ETS1: variants seen among roughly 807,000 people sequenced by gnomAD.
ETS1 encodes the protein protein C-ets-1.
Under a neutral mutation model 58.6 loss-of-function variants are expected in ETS1, and 15 were observed. The ratio of observed to expected loss-of-function variants is 0.26; its 90% CI spans 0.17 to 0.39. The LOEUF (loss-of-function observed/expected upper bound fraction) is 0.39, where lower values mean the gene tolerates loss of function less well. Ranked by LOEUF, ETS1 falls within the 10% of genes least tolerant of loss-of-function variation. ETS1 has a pLI of 1.00. For synonymous variants in ETS1, 214 were observed against 218.2 expected (o/e 0.98, Z 0.17); for missense variants, 417 against 610.5 (o/e 0.68, Z 3.34).
At chr11:128,585,229 A>G (rs183139424) in intron 1 of ETS1, among the ~76,000 whole-genome samples, 2 of 144,574 alleles carry the variant, frequency 1.4e-5, no homozygotes, top group East Asian at 2.1e-4. Flanking sequence ...AAAGAAAGAA[A>G]GAAAGAAAGA....
intron 1 of ETS1, among the ~76,000 whole-genome samples, chr11:128,581,563 A>C (rs1331984357): frequency 6.6e-6 from 1 of 152,188 alleles, no homozygotes; most frequent in African/African-American, 2.4e-5. Flanking sequence ...ACCTCAAAAC[A>C]AAAAAAGAAT....
intron 3 of ETS1, among the ~76,000 whole-genome samples, chr11:128,492,642 G>C (rs1006645749): frequency 6.6e-6 from 1 of 152,126 alleles, no homozygotes; most frequent in South Asian, 2.1e-4. Flanking sequence ...ATAGAATGTT[G>C]ATTACATAAC....
At chr11:128,506,106 G>C (rs1461269667) in intron 3 of ETS1, among the ~76,000 whole-genome samples, 1 of 152,162 alleles carries the variant, frequency 6.6e-6, no homozygotes, top group Admixed American at 6.5e-5. Context: ...TCACATCCCA[G>C]CTGGACAGCA....
At chr11:128,543,246 T>G (rs1864083071) in intron 3 of ETS1, among the ~76,000 whole-genome samples, 1 of 152,106 alleles carries the variant, frequency 6.6e-6, no homozygotes, top group African/African-American at 2.4e-5. Context: ...ATAATTTATT[T>G]TTCAAAATAA....
chr11:128,477,706 T>C (rs1862360521), intron 8 of ETS1, among the ~76,000 whole-genome samples: 1 of 152,120 alleles, frequency 6.6e-6, no homozygotes, highest in African/African-American at 2.4e-5. Context: ...AATAGGAGAA[T>C]CCAGTTCAAG....
intron 8 of ETS1, among the ~76,000 whole-genome samples, chr11:128,477,378 A>C (rs1200528246): frequency 6.6e-6 from 1 of 152,240 alleles, no homozygotes; most frequent in Non-Finnish European, 1.5e-5. Context: ...TCTGCTTTCC[A>C]AAGTACTTTT....
intron 3 of ETS1, among the ~76,000 whole-genome samples, chr11:128,534,546 C>T (rs751275182): frequency 1.3e-5 from 2 of 152,128 alleles, no homozygotes; most frequent in Non-Finnish European, 2.9e-5. Context: ...AAGCCCTGCA[C>T]ATATTAGCTA....
intron 3 of ETS1, chr11:128,526,190 G>A (rs991243768): frequency 6.6e-6 from 1 of 152,232 alleles, no homozygotes; most frequent in Non-Finnish European, 1.5e-5. Context: ...GAGAGGGGAG[G>A]ACTTGGGAGC....
At chr11:128,485,974 T>C (rs889103022) in intron 6 of ETS1, 95 bp downstream of exon 6, 6 of 736,966 alleles carry the variant, frequency 8.1e-6, no homozygotes, top group East Asian at 2.5e-5. Context: ...TTATTTTTGA[T>C]AGAATTACCA....
intron 8 of ETS1, among the ~76,000 whole-genome samples, chr11:128,474,781 G>C (rs538435099): frequency 2.0e-5 from 3 of 152,312 alleles, no homozygotes; most frequent in South Asian, 4.1e-4. Flanking sequence ...CCAGCTTCCT[G>C]CAACTAGTTA....
At chr11:128,476,337 G>A (rs1862322409) in intron 8 of ETS1, among the ~76,000 whole-genome samples, 1 of 152,230 alleles carries the variant, frequency 6.6e-6, no homozygotes, top group Non-Finnish European at 1.5e-5. Flanking sequence ...AGTGACAAGA[G>A]GGAGATAAGG....
At position 128,464,892 on chromosome 11, in the gene ETS1, C is replaced by T. The variant is rs542555945; in HGVS notation, c.1124-1265G>A. On this transcript the variant is annotated intron_variant, in intron 8 of 9. Transcript: ENST00000392668. This position sits in a 1 kb window ranked among gnomAD's most constrained non-coding sequence, Gnocchi z 4.1. Reference sequence around the variant, plus strand: ...GTTGTGCTTGCTCCTAAAATCCACACCCAACCCTCTGCTGTAAGGAGAGGC... The same window carrying T: ...GTTGTGCTTGCTCCTAAAATCCACATCCAACCCTCTGCTGTAAGGAGAGGC... Among the ~76,000 whole-genome samples, 5 of 152,280 alleles carry T rather than the reference C, an allele frequency of 3.3e-5. No homozygotes were observed. The highest frequency in any genetic ancestry group is 1.2e-4 in the African/African-American group (5 of 41,562).
At chr11:128,520,865 T>A (rs1334750582) in intron 3 of ETS1, among the ~76,000 whole-genome samples, 1 of 152,208 alleles carries the variant, frequency 6.6e-6, no homozygotes, top group Non-Finnish European at 1.5e-5. Context: ...GGCAAAGAAG[T>A]GTTAACCACA....
chr11:128,576,707 GC>G (rs1864757062), intron 1 of ETS1, among the ~76,000 whole-genome samples: 1 of 150,642 alleles, frequency 6.6e-6, no homozygotes, highest in African/African-American at 2.5e-5. Context: ...CACCTCTCCA[GC>G]CCCCTCTCGC....
intron 3 of ETS1, among the ~76,000 whole-genome samples, chr11:128,508,191 C>A (rs1863294210): frequency 6.6e-6 from 1 of 152,170 alleles, no homozygotes; most frequent in African/African-American, 2.4e-5. Context: ...GTTTTAACAA[C>A]CGCTGAAGTA....
rs192515397 is a variant in ETS1 at position 128,549,555 on chromosome 11, C to A, written c.214+6736G>T. ...TTTCTCTCCGCAGCCCCCTGGGAGTCCCAGCGCAATGCTGTTACTTCCTAG... is the reference window on the plus strand; with the variant it reads ...TTTCTCTCCGCAGCCCCCTGGGAGTACCAGCGCAATGCTGTTACTTCCTAG... On this transcript the variant is annotated intron_variant, in intron 3 of 9. Transcript: ENST00000392668. The surrounding 1 kb of genome is among the most constrained non-coding windows in gnomAD (Gnocchi z 4.3). Among the ~76,000 whole-genome samples the A allele has an allele frequency of 2.6e-3, 392 of 152,276 alleles. 3 individuals are homozygous for A. The highest frequency in any genetic ancestry group is 9.1e-3 in the African/African-American group (377 of 41,554).
intron 3 of ETS1, among the ~76,000 whole-genome samples, chr11:128,534,993 G>A (rs1242325476): frequency 1.3e-5 from 2 of 152,196 alleles, no homozygotes; most frequent in South Asian, 4.2e-4. Context: ...GATCTTTGAG[G>A]AATTGCCACA....
Position 128,549,760 on chromosome 11 carries a change from G to GTT in ETS1, c.214+6529_214+6530dup, listed in dbSNP as rs1452297687. ...TTCCAAGCCCTCCTTCCTCGGGGCTGTTGGGGTCACTCCTGAGAGCATGGG... is the reference window on the plus strand; with the variant it reads ...TTCCAAGCCCTCCTTCCTCGGGGCTGTTTTGGGGTCACTCCTGAGAGCATGGG... On this transcript the variant is annotated intron_variant, in intron 3 of 9. Coordinates refer to ENST00000392668, the MANE Select transcript of ETS1 (RefSeq NM_001143820.2). This position sits in a 1 kb window ranked among gnomAD's most constrained non-coding sequence, Gnocchi z 4.3. Among the ~76,000 whole-genome samples the GTT allele has an allele frequency of 6.6e-6, 1 of 152,216 alleles. No individual in the cohort carries two copies. The highest frequency in any genetic ancestry group is 1.5e-5 in the Non-Finnish European group (1 of 68,040).
At chr11:128,507,923 C>T (rs947965374) in intron 3 of ETS1, among the ~76,000 whole-genome samples, 3 of 152,196 alleles carry the variant, frequency 2.0e-5, no homozygotes, top group Non-Finnish European at 4.4e-5. Flanking sequence ...GCAAAGAGGA[C>T]AGTACTTCAG....
Sources: allele counts gnomAD v4.1 joint callset (sites outside exome capture counted in the v4.1 genomes callset), GRCh38; gene constraint gnomAD v4.1.1; non-coding constraint Gnocchi (gnomAD v3.1); transcripts MANE v1.5; gene names NCBI Gene and HGNC (gene_info 2026-07-23, HGNC 2026-07-21).